CAMKMT: variants seen among roughly 807,000 people sequenced by gnomAD.
CAMKMT encodes calmodulin-lysine N-methyltransferase.
Under a neutral mutation model 48.0 loss-of-function variants are expected in CAMKMT, and 53 were observed. That is an observed-to-expected ratio of 1.10 (90% confidence interval 0.89 to 1.39). The LOEUF is 1.39. Among genes scored for constraint, CAMKMT ranks in the 40% most tolerant of loss-of-function variants. CAMKMT has a pLI of 0.00. For missense variants in CAMKMT, 428 were observed against 402.7 expected (o/e 1.06, Z -0.54); for synonymous variants, 165 against 152.3 (o/e 1.08, Z -0.61).
At chr2:44,388,619 C>A (rs943281924) in intron 2 of CAMKMT, among the ~76,000 whole-genome samples, 20 of 152,046 alleles carry the variant, frequency 1.3e-4, no homozygotes, top group African/African-American at 4.6e-4. Context: ...TTTCTGGTTC[C>A]TTCTCATTTG....
chr2:44,412,539 T>G (rs1683281190), intron 3 of CAMKMT, among the ~76,000 whole-genome samples: 1 of 152,000 alleles, frequency 6.6e-6, no homozygotes. Context: ...TTTTGCCATA[T>G]TGGCCAGGCT....
intron 3 of CAMKMT, among the ~76,000 whole-genome samples, chr2:44,451,358 A>T (rs948530735): frequency 2.6e-5 from 4 of 151,960 alleles, no homozygotes; most frequent in African/African-American, 9.7e-5. Context: ...CGTTACCCTA[A>T]TCCTTTTTTT....
intron 3 of CAMKMT, among the ~76,000 whole-genome samples, chr2:44,650,269 C>T (rs1673985007): frequency 1.3e-5 from 2 of 152,142 alleles, no homozygotes; most frequent in African/African-American, 4.8e-5. Flanking sequence ...CCAGTCTCCA[C>T]CTTTGTCGTC....
chr2:44,637,838 G>A (rs1254972164), intron 3 of CAMKMT, among the ~76,000 whole-genome samples: 3 of 151,916 alleles, frequency 2.0e-5, no homozygotes, highest in South Asian at 2.1e-4. Context: ...AGGTTGAGGC[G>A]GGCAGATCAC....
intron 3 of CAMKMT, among the ~76,000 whole-genome samples, chr2:44,559,031 TCTAA>T (rs1451751181): frequency 2.0e-5 from 3 of 152,136 alleles, no homozygotes; most frequent in Non-Finnish European, 2.9e-5. Flanking sequence ...TATCTGTCTA[TCTAA>T]CTATCTATCT....
intron 3 of CAMKMT, chr2:44,400,812 T>C (rs1443297690): frequency 1.3e-5 from 2 of 151,198 alleles, no homozygotes; most frequent in African/African-American, 4.8e-5. Context: ...AACATACTTA[T>C]TTGAGTTAAA....
intron 3 of CAMKMT, among the ~76,000 whole-genome samples, chr2:44,693,431 A>G (rs1020607077): frequency 6.6e-6 from 1 of 152,076 alleles, no homozygotes; most frequent in African/African-American, 2.4e-5. Context: ...CCATTCCTAC[A>G]ACATTAAGCC....
intron 3 of CAMKMT, among the ~76,000 whole-genome samples, chr2:44,666,613 T>A (rs2104105310): frequency 1.0e-5 from 1 of 98,404 alleles, no homozygotes; most frequent in East Asian, 2.5e-4. Flanking sequence ...TCCTGGAATC[T>A]TTTTTTTTTT....
At chr2:44,733,636 T>A (rs147588234) in intron 7 of CAMKMT, among the ~76,000 whole-genome samples, 3,298 of 152,284 alleles carry the variant, frequency 0.022, 49 homozygotes, top group Non-Finnish European at 0.035. Flanking sequence ...TGCTGAAAGT[T>A]TTTAGCAGGA....
At chr2:44,501,972 T>C (rs1572660953) in intron 3 of CAMKMT, among the ~76,000 whole-genome samples, 1 of 152,294 alleles carries the variant, frequency 6.6e-6, no homozygotes, top group East Asian at 1.9e-4. Context: ...AAGGCTTGCC[T>C]CAGGCAAAAA....
At chr2:44,443,647 G>T (rs937738616) in intron 3 of CAMKMT, among the ~76,000 whole-genome samples, 2 of 152,168 alleles carry the variant, frequency 1.3e-5, no homozygotes, top group African/African-American at 4.8e-5. Context: ...TGAAGCCAGA[G>T]AAGAATAAAG....
At chr2:44,462,596 T>G (rs915163456) in intron 3 of CAMKMT, among the ~76,000 whole-genome samples, 4 of 152,188 alleles carry the variant, frequency 2.6e-5, no homozygotes, top group African/African-American at 9.6e-5. Flanking sequence ...TGTATTCATA[T>G]ATCTATATGA....
At chr2:44,420,989 GA>G (rs1159680268) in intron 3 of CAMKMT, among the ~76,000 whole-genome samples, 1 of 152,080 alleles carries the variant, frequency 6.6e-6, no homozygotes, top group Non-Finnish European at 1.5e-5. Flanking sequence ...AAAGAAAATT[GA>G]TTCTCAGCTT....
chr2:44,554,627 T>G (rs1397723248), intron 3 of CAMKMT, among the ~76,000 whole-genome samples: 1 of 152,130 alleles, frequency 6.6e-6, no homozygotes, highest in Non-Finnish European at 1.5e-5. Flanking sequence ...TCCCAGTTAC[T>G]TGGGAGTCTG....
At position 44,657,941 on chromosome 2, in the gene CAMKMT, A is replaced by T. The variant is rs59499113; in HGVS notation, c.377-46342A>T. On this transcript the variant is annotated intron_variant, in intron 3 of 10. Coordinates refer to ENST00000378494, the MANE Select transcript of CAMKMT (RefSeq NM_024766.5). The surrounding 1 kb of genome is among the most constrained non-coding windows in gnomAD (Gnocchi z 4.3). ...ATTTTCCTCCATACTCTGTTTTTAT[A>T]TAAAATAATGGTATCTCTCTCCTCA... is the stretch of plus-strand genomic sequence containing the variant. Among the ~76,000 whole-genome samples, 2,502 of 152,300 alleles carry T rather than the reference A, an allele frequency of 0.016. 38 individuals are homozygous for T. Among genetic ancestry groups the T allele is most frequent in the African/African-American group, 0.052 (2,140 of 41,532 alleles).
chr2:44,647,949 T>C (rs10164919), intron 3 of CAMKMT, among the ~76,000 whole-genome samples: 92,002 of 145,272 alleles, frequency 0.63, 29,503 homozygotes, highest in Middle Eastern at 0.71. Context: ...TGAACAGCAA[T>C]GATTGCCTGT....
At chr2:44,374,253 G>C (rs936479617) in intron 2 of CAMKMT, among the ~76,000 whole-genome samples, 1 of 151,634 alleles carries the variant, frequency 6.6e-6, no homozygotes, top group African/African-American at 2.4e-5. Context: ...TTTGCCTTTT[G>C]ATGGAGATAA....
In CAMKMT at chr2:44,715,278, G is replaced by A. The variant is rs199691194; in HGVS notation, c.557-9G>A. 1,339 of 1,605,474 alleles carry A rather than the reference G, an allele frequency of 8.3e-4. 25 individuals are homozygous for A. The South Asian group carries it at 9.6e-3, about 12-fold the overall frequency. ...TCAGTGCAGATGTTTTCTTAACTGT[G>A]TCCTGTAGATGTGCAAGACATCATC... On this transcript the variant is annotated splice_polypyrimidine_tract_variant and intron_variant, in intron 6 of 10. Transcript: ENST00000378494.
chr2:44,525,348 C>T (rs1021334490), intron 3 of CAMKMT, among the ~76,000 whole-genome samples: 5 of 152,090 alleles, frequency 3.3e-5, no homozygotes, highest in South Asian at 4.2e-4. Context: ...CTCTGCCTCC[C>T]GGATTCAAGC....
Sources: allele counts gnomAD v4.1 joint callset (sites outside exome capture counted in the v4.1 genomes callset), GRCh38; gene constraint gnomAD v4.1.1; non-coding constraint Gnocchi (gnomAD v3.1); transcripts MANE v1.5; gene names NCBI Gene and HGNC (gene_info 2026-07-23, HGNC 2026-07-21).